Variants in PDGFRA observed in about 807,000 individuals in gnomAD.
The protein encoded by PDGFRA is platelet derived growth factor receptor alpha, also known as platelet-derived growth factor receptor alpha.
Under a neutral mutation model 121.5 loss-of-function variants are expected in PDGFRA, and 25 were observed. That is an observed-to-expected ratio of 0.21 (90% confidence interval 0.15 to 0.29). The LOEUF is 0.29. Ranked by LOEUF, PDGFRA falls within the 10% of genes least tolerant of loss-of-function variation. The pLI is 1.00. For missense variants in PDGFRA, 1,008 were observed against 1,345.1 expected (o/e 0.75, Z 3.92); for synonymous variants, 463 against 494.8 (o/e 0.94, Z 0.85).
intron 1 of PDGFRA, among the ~76,000 whole-genome samples, chr4:54,236,586 G>A (rs1721026344): frequency 6.6e-6 from 1 of 152,118 alleles, no homozygotes; most frequent in African/African-American, 2.4e-5. Flanking sequence ...GGTGAATCAC[G>A]AGGTCAGGAG....
At chr4:54,285,556 G>C in intron 17 of PDGFRA, 70 bp downstream of exon 17, 1 of 798,694 alleles carries the variant, frequency 1.3e-6, no homozygotes. Context: ...GAGATGCTAG[G>C]AGATAGATGT....
chr4:54,262,745 A>G (rs1273979415), intron 3 of PDGFRA, among the ~76,000 whole-genome samples: 2 of 152,190 alleles, frequency 1.3e-5, no homozygotes, highest in African/African-American at 4.8e-5. Context: ...CTTCATTCAC[A>G]CTTAGATTCC....
Position 54,272,435 on chromosome 4 carries a change from T to C in PDGFRA, c.1279T>C (p.Ser427Pro), listed in dbSNP as rs1723452992. ...ILDLVDDHHG[S>P]TGGQTVRCTA... The stretch of plus-strand genomic sequence containing the variant: ...GGACTTGGTCGATGATCACCATGGC[T>C]CAACTGGGGGACAGACGGTGAGGTG... Residue 427 changes from serine (S) to proline (P), a missense_variant, in exon 9 of 23, where the codon TCA (serine) becomes CCA (proline). By Grantham distance (74) the Ser-to-Pro change is moderately conservative (BLOSUM62 -1). Coordinates refer to ENST00000257290, the MANE Select transcript of PDGFRA (RefSeq NM_006206.6). The C allele has an allele frequency of 1.2e-6, 2 of 1,614,000 alleles. No homozygotes were observed. The highest frequency in any genetic ancestry group is 1.7e-6 in the Non-Finnish European group (2 of 1,179,974).
At chr4:54,288,978 C>G (rs1560491874) in intron 20 of PDGFRA, 31 bp from the exon 21 acceptor site, 1 of 1,537,686 alleles carries the variant, frequency 6.5e-7, no homozygotes, top group Non-Finnish European at 9.0e-7. Flanking sequence ...AGACTTCCCC[C>G]TGTGCCCACT....
At chr4:54,272,852 A>C (rs1723479900) in intron 9 of PDGFRA, among the ~76,000 whole-genome samples, 1 of 152,146 alleles carries the variant, frequency 6.6e-6, no homozygotes. Context: ...TTAGTCCCTT[A>C]TCTGCCCACC....
chr4:54,258,440 C>A (rs1315645217), intron 1 of PDGFRA, among the ~76,000 whole-genome samples: 1 of 151,994 alleles, frequency 6.6e-6, no homozygotes, highest in Non-Finnish European at 1.5e-5. Context: ...AGTTTGGAAG[C>A]TGAGAAAAAA....
intron 1 of PDGFRA, among the ~76,000 whole-genome samples, chr4:54,246,174 C>T (rs551259761): frequency 6.6e-6 from 1 of 152,156 alleles, no homozygotes; most frequent in Non-Finnish European, 1.5e-5. Context: ...AAAAAGTTAA[C>T]AAAGATAGCC....
intron 2 of PDGFRA, among the ~76,000 whole-genome samples, 185 bp downstream of exon 2, chr4:54,259,002 C>G (rs550039823): frequency 1.1e-4 from 17 of 152,334 alleles, no homozygotes; most frequent in African/African-American, 4.1e-4. Context: ...ATTGCACTTA[C>G]TCCATTTCAA....
chr4:54,291,312 G>T (rs555795884), intron 22 of PDGFRA, among the ~76,000 whole-genome samples: 1 of 152,148 alleles, frequency 6.6e-6, no homozygotes, highest in South Asian at 2.1e-4. Context: ...AAAGATAAGG[G>T]CTCTATTTTA....
At chr4:54,278,243 A>C (rs1290609474) in intron 14 of PDGFRA, 119 bp from the exon 15 acceptor site, 84 of 519,012 alleles carry the variant, frequency 1.6e-4, no homozygotes, top group African/African-American at 4.8e-4. Context: ...AAAAAAAAAA[A>C]AAAAAAAAAA....
intron 1 of PDGFRA, among the ~76,000 whole-genome samples, chr4:54,239,304 A>G (rs1299380503): frequency 6.6e-6 from 1 of 152,250 alleles, no homozygotes; most frequent in Non-Finnish European, 1.5e-5. Context: ...AACTATAGGT[A>G]TACTCACTCA....
chr4:54,244,612 T>C (rs1577680279), intron 1 of PDGFRA, among the ~76,000 whole-genome samples: 1 of 151,970 alleles, frequency 6.6e-6, no homozygotes, highest in East Asian at 1.9e-4. Context: ...ACCACAAAGA[T>C]GGGGAAAAAA....
chr4:54,281,923 A>G (rs1285636590), intron 16 of PDGFRA: 5 of 1,155,094 alleles, frequency 4.3e-6, no homozygotes, highest in Non-Finnish European at 5.4e-6. Flanking sequence ...ACAAATTATA[A>G]GCAAAGTACT....
intron 8 of PDGFRA, among the ~76,000 whole-genome samples, chr4:54,271,091 C>T (rs1723327169): frequency 6.6e-6 from 1 of 152,192 alleles, no homozygotes; most frequent in Non-Finnish European, 1.5e-5. Flanking sequence ...GTGTGAGCCA[C>T]TGCACCTGGC....
At chr4:54,234,474 G>C (rs1720896158) in intron 1 of PDGFRA, among the ~76,000 whole-genome samples, 1 of 152,316 alleles carries the variant, frequency 6.6e-6, no homozygotes, top group African/African-American at 2.4e-5. Flanking sequence ...CTGTGAGAAT[G>C]GGCTTCGCGG....
At chr4:54,231,284 G>C (rs1386218278) in intron 1 of PDGFRA, among the ~76,000 whole-genome samples, 1 of 152,240 alleles carries the variant, frequency 6.6e-6, no homozygotes, top group Non-Finnish European at 1.5e-5. Flanking sequence ...CGGGCTGGGC[G>C]GTGTGGGAAA....
intron 12 of PDGFRA, among the ~76,000 whole-genome samples, chr4:54,275,856 G>A (rs1398055115): frequency 6.6e-6 from 1 of 152,042 alleles, no homozygotes; most frequent in Non-Finnish European, 1.5e-5. Context: ...TTCCTTCCTG[G>A]GCATAGGCCG....
At chr4:54,290,893 A>G (rs370632537) in intron 22 of PDGFRA, among the ~76,000 whole-genome samples, 1 of 152,170 alleles carries the variant, frequency 6.6e-6, no homozygotes, top group East Asian at 1.9e-4. Flanking sequence ...ATTGTCTTAA[A>G]TAGTCATTGA....
rs569343676 is a variant in PDGFRA, at chr4:54,261,294, G to A, written c.249G>A (p.Thr83=). ...AAAACAACAGCGGCCTTTTTGTGAC[G>A]GTCTTGGAAGTGAGCAGTGCCTCGG... ...NEENNSGLFV[T]VLEVSSASAA... Residue 83 remains threonine (T), a synonymous_variant, in exon 3 of 23, where the codon ACG becomes ACA. Coordinates refer to ENST00000257290, the MANE Select transcript of PDGFRA (RefSeq NM_006206.6). 38 of 1,614,048 alleles carry A rather than the reference G, an allele frequency of 2.4e-5. No individual in the cohort carries two copies. Among genetic ancestry groups the A allele is most frequent in the Middle Eastern group, 3.3e-4 (2 of 6,060 alleles).
Sources: allele counts gnomAD v4.1 joint callset (sites outside exome capture counted in the v4.1 genomes callset), GRCh38; gene constraint gnomAD v4.1.1; transcripts MANE v1.5; gene names NCBI Gene and HGNC (gene_info 2026-07-23, HGNC 2026-07-21).